Variants in HS2ST1 observed in about 807,000 individuals in gnomAD.
The protein encoded by HS2ST1 is 2-O-sulfotransferase.
A neutral mutation model predicts 42.9 loss-of-function variants in HS2ST1; 18 were observed. That is an observed-to-expected ratio of 0.42 (90% CI 0.29 to 0.62). The LOEUF is 0.62. HS2ST1 is among the 20% of genes least tolerant of loss of function. The probability of loss-of-function intolerance (pLI) is 0.21; values close to 1 mark genes in which losing one functional copy is unlikely to be tolerated. For synonymous variants in HS2ST1, 146 were observed against 152.9 expected (o/e 0.95, Z 0.33); for missense variants, 334 against 433.8 (o/e 0.77, Z 2.04).
intron 1 of HS2ST1, among the ~76,000 whole-genome samples, chr1:86,990,199 T>C (rs1419776345): frequency 2.0e-5 from 3 of 152,188 alleles, no homozygotes; most frequent in African/African-American, 7.2e-5. Context: ...GTAAAAGCAT[T>C]CGGAGAACTT....
At chr1:87,052,358 T>C (rs1390254291) in intron 1 of HS2ST1, among the ~76,000 whole-genome samples, 1 of 152,182 alleles carries the variant, frequency 6.6e-6, no homozygotes, top group African/African-American at 2.4e-5. Flanking sequence ...GAACTTGTAG[T>C]TTAATCAGAA....
intron 1 of HS2ST1, among the ~76,000 whole-genome samples, chr1:87,022,450 G>A (rs1649977522): frequency 6.6e-6 from 1 of 152,108 alleles, no homozygotes; most frequent in Non-Finnish European, 1.5e-5. Context: ...AATGAGATTA[G>A]GAGCACAACA....
intron 1 of HS2ST1, among the ~76,000 whole-genome samples, chr1:86,976,554 GAAA>G (rs1202335097): frequency 6.6e-6 from 1 of 151,102 alleles, no homozygotes; most frequent in Non-Finnish European, 1.5e-5. Context: ...TTTTTAAGAA[GAAA>G]AATATGAGCT....
chr1:86,914,911 T>G lies in HS2ST1; in HGVS notation c.-126T>G. On this transcript the variant is annotated 5_prime_UTR_variant, in exon 1 of 7. Transcript: ENST00000370550. ...GCGAGAAGGGGGGTCGCTGCGGTGG[T>G]TCTCTCGCTGTCGCTCTCTCTTTGC... The G allele has an allele frequency of 8.4e-7, 1 of 1,193,488 alleles. No homozygotes were observed. The highest frequency in any genetic ancestry group is 1.2e-6 in the Non-Finnish European group (1 of 840,004). 73.9% of individuals were successfully genotyped at this position (1,193,488 alleles called of 1,614,324 possible).
chr1:86,974,819 T>G (rs776802288), intron 1 of HS2ST1, among the ~76,000 whole-genome samples: 1 of 152,246 alleles, frequency 6.6e-6, no homozygotes, highest in Admixed American at 6.5e-5. Flanking sequence ...CATCGCATTT[T>G]GGCATGTCTT....
chr1:87,025,187 T>TGAA (rs1553138422), intron 1 of HS2ST1, among the ~76,000 whole-genome samples: 64 of 152,102 alleles, frequency 4.2e-4, no homozygotes, highest in African/African-American at 1.4e-3. Context: ...ACTGGAGAAG[T>TGAA]GAAGAACAGG....
chr1:87,066,445 C>T (rs1021862911), intron 1 of HS2ST1, among the ~76,000 whole-genome samples: 3 of 152,122 alleles, frequency 2.0e-5, no homozygotes, highest in African/African-American at 7.2e-5. Flanking sequence ...GCTTGCATAG[C>T]AGATTTTCTA....
In HS2ST1 at chr1:87,073,093, A is replaced by G; in HGVS notation, c.284A>G (p.Asp95Gly). Reference protein sequence around the residue: ...ASTSFTNIAYDLCAKNKYHVL... With the variant: ...ASTSFTNIAYGLCAKNKYHVL... ...ACTTCATTTACCAATATCGCCTATG[A>G]CCTGTGTGCAAAGAATAAATACCAT... The change falls in exon 2 of 7, where the codon GAC (aspartate) becomes GGC (glycine). Residue 95 changes from aspartate to glycine, a missense_variant. Transcript: ENST00000370550. The G allele has an allele frequency of 6.2e-7, 1 of 1,614,084 alleles. No homozygotes were observed. Among genetic ancestry groups the G allele is most frequent in the Non-Finnish European group, 8.5e-7 (1 of 1,179,946 alleles).
At chr1:87,046,189 C>T in intron 1 of HS2ST1, 1 of 849,586 alleles carries the variant, frequency 1.2e-6, no homozygotes, top group Non-Finnish European at 2.0e-6. Flanking sequence ...GCTGTTGTTC[C>T]TCTTATTGAA....
At chr1:86,985,034 C>G (rs1414022136) in intron 1 of HS2ST1, among the ~76,000 whole-genome samples, 2 of 151,710 alleles carry the variant, frequency 1.3e-5, no homozygotes, top group East Asian at 3.9e-4. Context: ...TATCAGACTC[C>G]CATAGTACCC....
At chr1:87,057,646 T>A (rs1269835619) in intron 1 of HS2ST1, among the ~76,000 whole-genome samples, 2 of 150,664 alleles carry the variant, frequency 1.3e-5, no homozygotes, top group African/African-American at 4.9e-5. Flanking sequence ...GGTCAGGAGA[T>A]CGAAACCATC....
intron 1 of HS2ST1, among the ~76,000 whole-genome samples, chr1:87,038,431 AC>A (rs1650437075): frequency 6.6e-6 from 1 of 152,168 alleles, no homozygotes; most frequent in Admixed American, 6.5e-5. Flanking sequence ...CATTTAGGGT[AC>A]TGTTGTAAAA....
chr1:87,016,111 G>T (rs761194440), intron 1 of HS2ST1, among the ~76,000 whole-genome samples: 1 of 152,156 alleles, frequency 6.6e-6, no homozygotes, highest in Non-Finnish European at 1.5e-5. Flanking sequence ...CGCTGTGCCC[G>T]GCCTTAGCTC....
At chr1:87,006,470 T>C (rs1471366526) in intron 1 of HS2ST1, among the ~76,000 whole-genome samples, 2 of 152,148 alleles carry the variant, frequency 1.3e-5, no homozygotes, top group African/African-American at 4.8e-5. Context: ...GCAATGCCTG[T>C]CTACTGATTG....
chr1:87,036,583 A>G (rs1650381169), intron 1 of HS2ST1, among the ~76,000 whole-genome samples: 1 of 152,198 alleles, frequency 6.6e-6, no homozygotes, highest in South Asian at 2.1e-4. Flanking sequence ...GGAATGTAAC[A>G]GTTTGGCTAG....
intron 1 of HS2ST1, among the ~76,000 whole-genome samples, chr1:86,957,400 C>A (rs1647704048): frequency 6.6e-6 from 1 of 152,218 alleles, no homozygotes; most frequent in Admixed American, 6.5e-5. Context: ...CAGTCTTATG[C>A]TTAACCACTT....
chr1:86,963,206 TA>T (rs1473143868), intron 1 of HS2ST1, among the ~76,000 whole-genome samples: 1 of 151,750 alleles, frequency 6.6e-6, no homozygotes, highest in African/African-American at 2.4e-5. Flanking sequence ...GTTTCTCGCA[TA>T]GGGGGATTTG....
intron 1 of HS2ST1, among the ~76,000 whole-genome samples, chr1:87,061,126 A>G (rs181296609): frequency 1.3e-5 from 2 of 152,296 alleles, no homozygotes; most frequent in East Asian, 1.9e-4. Context: ...AAGATACTCA[A>G]TAAATATTGT....
intron 1 of HS2ST1, among the ~76,000 whole-genome samples, chr1:87,063,022 CTCTA>C (rs1651155551): frequency 6.6e-6 from 1 of 152,154 alleles, no homozygotes; most frequent in African/African-American, 2.4e-5. Flanking sequence ...TGTTCAGCTT[CTCTA>C]TCTAAATGTT....
Sources: allele counts gnomAD v4.1 joint callset (sites outside exome capture counted in the v4.1 genomes callset), GRCh38; gene constraint gnomAD v4.1.1; transcripts MANE v1.5; gene names NCBI Gene and HGNC (gene_info 2026-07-23, HGNC 2026-07-21).